C9orf153: variants seen among roughly 807,000 people sequenced by gnomAD.
The protein encoded by C9orf153 is chromosome 9 open reading frame 153, also known as uncharacterized protein C9orf153.
A neutral mutation model predicts 9.0 loss-of-function variants in C9orf153; 10 were observed. The observed-to-expected ratio is 1.11, with a 90% CI of 0.69 to 1.89. The LOEUF (loss-of-function observed/expected upper bound fraction) is 1.89, where lower values mean the gene tolerates loss of function less well. Among genes scored for constraint, C9orf153 ranks in the 40% most tolerant of loss-of-function variants. C9orf153 has a pLI of 0.00. For synonymous variants in C9orf153, 35 were observed against 37.3 expected (o/e 0.94, Z 0.23); for missense variants, 108 against 111.0 (o/e 0.97, Z 0.12).
rs1824716019 is a variant in C9orf153, at chr9:86,240,695, CTTTTTCTTTTTCTTTTT to C, written c.-26-11083_-26-11067del. The stretch of plus-strand genomic sequence containing the variant: ...AACCGCACTAATTTGCTTTTCTTTT[CTTTTTCTTTTTCTTTTT>C]TTTTTTTTTTTTTTGAGATGGAGTC... On this transcript the variant is annotated intron_variant, in intron 1 of 3. Coordinates refer to ENST00000339137, the MANE Select transcript of C9orf153 (RefSeq NM_001276366.4). 6.5e-5 allele frequency among the ~76,000 whole-genome samples: 4 copies of C among 61,994 alleles called. No individual in the cohort carries two copies. The South Asian group carries it at 3.0e-3, about 46-fold the overall frequency. The allele number at this position is 61,994 out of a possible 152,430, so 40.7% of individuals were successfully genotyped here. A position where few individuals can be genotyped will look rare whatever the true frequency, so the allele number is the denominator to read the frequency against.
intron 1 of C9orf153, among the ~76,000 whole-genome samples, chr9:86,235,106 G>A (rs929220819): frequency 1.3e-4 from 20 of 152,130 alleles, no homozygotes; most frequent in African/African-American, 3.9e-4. Context: ...AATCATGTTC[G>A]GCTTTCAACA....
At chr9:86,241,335 G>A (rs998216030) in intron 1 of C9orf153, among the ~76,000 whole-genome samples, 1 of 143,500 alleles carries the variant, frequency 7.0e-6, no homozygotes, top group Non-Finnish European at 1.5e-5. Context: ...GGTCCTGCCC[G>A]GAGCTGGCCT....
At position 86,240,707 on chromosome 9, in the gene C9orf153, C is replaced by CTTTT. The variant is rs367674249; in HGVS notation, c.-26-11082_-26-11079dup. On this transcript the variant is annotated intron_variant, in intron 1 of 3. Transcript: ENST00000339137. ...TTGCTTTTCTTTTCTTTTTCTTTTT[C>CTTTT]TTTTTTTTTTTTTTTTTTTGAGATG... Among the ~76,000 whole-genome samples the CTTTT allele has an allele frequency of 3.2e-4, 38 of 117,030 alleles. 1 individual carries two copies. Among genetic ancestry groups the CTTTT allele is most frequent in the Non-Finnish European group, 3.5e-4 (20 of 57,072 alleles). 76.8% of individuals were successfully genotyped at this position (117,030 alleles called of 152,430 possible).
chr9:86,250,458 G>C lies in C9orf153; in HGVS notation c.-27+9092C>G, dbSNP rs182095352. 5.5e-4 allele frequency among the ~76,000 whole-genome samples: 84 copies of C among 152,176 alleles called. 1 individual carries two copies. In the Middle Eastern group the frequency reaches 0.034, roughly 62 times the overall value. ...AGCATGTCAAAGGGCCATATTTTGG[G>C]GTATTGGTTTCTGAGCCCCAACAGT... On this transcript the variant is annotated intron_variant, in intron 1 of 3. Coordinates refer to ENST00000339137, the MANE Select transcript of C9orf153 (RefSeq NM_001276366.4).
chr9:86,224,376 C>CAA (rs370307745), intron 3 of C9orf153, among the ~76,000 whole-genome samples: 2 of 130,684 alleles, frequency 1.5e-5, no homozygotes, highest in African/African-American at 5.4e-5. Context: ...GACAGTGTCT[C>CAA]AAAAAAAAAA....
intron 1 of C9orf153, among the ~76,000 whole-genome samples, chr9:86,244,028 C>T (rs1355673007): frequency 1.3e-5 from 2 of 152,098 alleles, no homozygotes; most frequent in Non-Finnish European, 2.9e-5. Flanking sequence ...TCTGTACCAT[C>T]CAATATGGTA....
intron 1 of C9orf153, among the ~76,000 whole-genome samples, chr9:86,244,249 T>G (rs1295967333): frequency 6.6e-6 from 1 of 152,192 alleles, no homozygotes; most frequent in African/African-American, 2.4e-5. Context: ...TTAAAATAAT[T>G]TTTTTTGTAG....
At chr9:86,222,978 A>G (rs1364316230) in intron 3 of C9orf153, among the ~76,000 whole-genome samples, 1 of 152,180 alleles carries the variant, frequency 6.6e-6, no homozygotes, top group Non-Finnish European at 1.5e-5. Context: ...TAGACTTTGT[A>G]CATGTCTGAA....
intron 1 of C9orf153, among the ~76,000 whole-genome samples, chr9:86,252,991 A>G (rs1460898570): frequency 1.7e-5 from 2 of 119,198 alleles, no homozygotes; most frequent in African/African-American, 5.6e-5. Context: ...AGAGTTAAGA[A>G]AACTTTTTTT....
At chr9:86,229,512 C>A (rs1233134635) in intron 2 of C9orf153, 26 bp downstream of exon 2, 1 of 1,522,692 alleles carries the variant, frequency 6.6e-7, no homozygotes, top group Non-Finnish European at 9.1e-7. Flanking sequence ...CTGTGTACAC[C>A]TCGTTGTACA....
At chr9:86,226,404 C>G (rs1338995708) in intron 3 of C9orf153, among the ~76,000 whole-genome samples, 1 of 152,052 alleles carries the variant, frequency 6.6e-6, no homozygotes, top group African/African-American at 2.4e-5. Flanking sequence ...TCACTGCAAC[C>G]TCTGCCTCCT....
chr9:86,251,852 C>G (rs1825000098), intron 1 of C9orf153, among the ~76,000 whole-genome samples: 1 of 147,018 alleles, frequency 6.8e-6, no homozygotes, highest in South Asian at 2.3e-4. Context: ...CTCTTTTAAA[C>G]AAGATTTCCA....
chr9:86,237,191 T>C (rs544530771), intron 1 of C9orf153, among the ~76,000 whole-genome samples: 1 of 152,164 alleles, frequency 6.6e-6, no homozygotes, highest in South Asian at 2.1e-4. Flanking sequence ...ATAATTGATA[T>C]GCTAAGAAAG....
chr9:86,254,361 T>C (rs1003958568), intron 1 of C9orf153, among the ~76,000 whole-genome samples: 3 of 152,190 alleles, frequency 2.0e-5, no homozygotes, highest in Non-Finnish European at 2.9e-5. Context: ...CTTGGAATTA[T>C]TAGAAATTAA....
intron 1 of C9orf153, among the ~76,000 whole-genome samples, chr9:86,247,703 TA>T: frequency 6.6e-6 from 1 of 152,178 alleles, no homozygotes. Context: ...GAAGAAGATT[TA>T]AAAAGAGCTA....
chr9:86,221,504 C>A lies in C9orf153; in HGVS notation c.*184G>T, dbSNP rs192236590. The A allele has an allele frequency of 7.4e-6, 10 of 1,358,354 alleles. No individual in the cohort carries two copies. In the Admixed American group the frequency reaches 1.8e-4, roughly 24 times the overall value. The allele number at this position is 1,358,354 out of a possible 1,614,324, so 84.1% of individuals were successfully genotyped here. A position where few individuals can be genotyped will look rare whatever the true frequency, so the allele number is the denominator to read the frequency against. On this transcript the variant is annotated 3_prime_UTR_variant, in exon 4 of 4. Transcript: ENST00000339137. ...AAAATATTTTAATACACTACATATT[C>A]CATTTAAGAGAATAACTTCCTTCAT...
intron 1 of C9orf153, among the ~76,000 whole-genome samples, chr9:86,255,576 C>A (rs1825104880): frequency 6.6e-6 from 1 of 152,158 alleles, no homozygotes; most frequent in Non-Finnish European, 1.5e-5. Context: ...CAGGCCTCCT[C>A]TTCTCTCCCT....
chr9:86,248,339 G>T (rs1406053352), intron 1 of C9orf153, among the ~76,000 whole-genome samples: 1 of 152,096 alleles, frequency 6.6e-6, no homozygotes, highest in Non-Finnish European at 1.5e-5. Context: ...TCGTCATGTT[G>T]GCCAGGCTGG....
intron 2 of C9orf153, 138 bp from the exon 3 acceptor site, chr9:86,228,168 T>C: frequency 1.5e-6 from 1 of 658,974 alleles, no homozygotes; most frequent in East Asian, 2.8e-5. Context: ...GGAAGATATC[T>C]TTGCCTAACT....
Sources: allele counts gnomAD v4.1 joint callset (sites outside exome capture counted in the v4.1 genomes callset), GRCh38; gene constraint gnomAD v4.1.1; transcripts MANE v1.5; gene names NCBI Gene and HGNC (gene_info 2026-07-23, HGNC 2026-07-21).